LRRTM4: variants seen among roughly 807,000 people sequenced by gnomAD.
LRRTM4 encodes the protein leucine-rich repeat transmembrane neuronal protein 4.
Under a neutral mutation model 47.6 loss-of-function variants are expected in LRRTM4, and 25 were observed. The ratio of observed to expected loss-of-function variants is 0.53; its 90% CI spans 0.38 to 0.73. The LOEUF (loss-of-function observed/expected upper bound fraction) is 0.73. Among genes scored for constraint, LRRTM4 ranks in the 30% least tolerant of loss-of-function variants. The pLI, the probability that LRRTM4 is intolerant of heterozygous loss-of-function variation, is 0.00. For missense variants in LRRTM4, 638 were observed against 713.4 expected (o/e 0.89, Z 1.20); for synonymous variants, 311 against 269.5 (o/e 1.15, Z -1.51).
chr2:76,896,913 T>C (rs1573274333), intron 3 of LRRTM4, among the ~76,000 whole-genome samples: 1 of 150,738 alleles, frequency 6.6e-6, no homozygotes, highest in African/African-American at 2.4e-5. Flanking sequence ...ATCAAAATTA[T>C]GCAAGAAGTG....
At chr2:77,313,410 T>C (rs1179624105) in intron 3 of LRRTM4, among the ~76,000 whole-genome samples, 45 of 148,874 alleles carry the variant, frequency 3.0e-4, no homozygotes, top group Middle Eastern at 3.5e-3. Flanking sequence ...CCCTACGTTT[T>C]CCTGGGACCT....
chr2:76,837,975 T>C (rs940810079), intron 3 of LRRTM4, among the ~76,000 whole-genome samples: 31 of 151,834 alleles, frequency 2.0e-4, no homozygotes, highest in South Asian at 8.3e-4. Flanking sequence ...TTAGGAGATA[T>C]ACCTAATGCT....
chr2:77,344,693 C>T (rs1182837424), intron 3 of LRRTM4, among the ~76,000 whole-genome samples: 2 of 151,706 alleles, frequency 1.3e-5, no homozygotes, highest in Non-Finnish European at 3.0e-5. Context: ...ATTTAAGAAG[C>T]TCAGTGAATC....
chr2:77,380,017 T>G (rs1341546816), intron 3 of LRRTM4, among the ~76,000 whole-genome samples: 2 of 152,116 alleles, frequency 1.3e-5, no homozygotes, highest in Non-Finnish European at 2.9e-5. Flanking sequence ...GGTAATACTT[T>G]TTAAGCCAGA....
At chr2:77,103,820 A>T (rs1418212731) in intron 3 of LRRTM4, among the ~76,000 whole-genome samples, 4 of 152,016 alleles carry the variant, frequency 2.6e-5, no homozygotes, top group African/African-American at 9.7e-5. Context: ...TAAATGGCAG[A>T]CCACAAACTG....
intron 3 of LRRTM4, among the ~76,000 whole-genome samples, chr2:77,106,076 A>G (rs192649137): frequency 6.6e-6 from 1 of 151,950 alleles, no homozygotes; most frequent in Non-Finnish European, 1.5e-5. Flanking sequence ...ATTTTCTCCC[A>G]CTCTCAGCAG....
rs189244002 is a variant in LRRTM4 at position 77,245,046 on chromosome 2, T to C, written c.1551+273272A>G. ...CTGACCCACCTAAAGTATAGGATTA[T>C]GGTTTTATAAACCACTAATTTCTGG... On this transcript the variant is annotated intron_variant, in intron 3 of 3. Coordinates refer to ENST00000409884, the MANE Select transcript of LRRTM4 (RefSeq NM_001134745.3). Among the ~76,000 whole-genome samples, 444 of 152,296 alleles carry C rather than the reference T, an allele frequency of 2.9e-3. 4 individuals are homozygous for C. Among genetic ancestry groups the C allele is most frequent in the African/African-American group, 0.01 (420 of 41,574 alleles).
chr2:76,999,894 C>G (rs553816430), intron 3 of LRRTM4, among the ~76,000 whole-genome samples: 1 of 152,150 alleles, frequency 6.6e-6, no homozygotes, highest in Non-Finnish European at 1.5e-5. Flanking sequence ...TTCATTCTAC[C>G]TTAAAACTAA....
At chr2:76,957,801 C>T (rs1045194282) in intron 3 of LRRTM4, among the ~76,000 whole-genome samples, 1 of 151,776 alleles carries the variant, frequency 6.6e-6, no homozygotes, top group African/African-American at 2.4e-5. Flanking sequence ...CACACACTCA[C>T]ATGGTTTTGA....
At chr2:76,825,329 T>C (rs989731986) in intron 3 of LRRTM4, among the ~76,000 whole-genome samples, 2 of 151,636 alleles carry the variant, frequency 1.3e-5, no homozygotes, top group East Asian at 3.9e-4. Flanking sequence ...TAATGGCTGG[T>C]TGAAATATTC....
At chr2:76,906,163 C>G (rs901312437) in intron 3 of LRRTM4, among the ~76,000 whole-genome samples, 4 of 151,296 alleles carry the variant, frequency 2.6e-5, no homozygotes, top group Non-Finnish European at 4.4e-5. Flanking sequence ...AGAAACTCTA[C>G]AAGTCAGAAG....
At chr2:77,008,562 T>G (rs1677748631) in intron 3 of LRRTM4, among the ~76,000 whole-genome samples, 1 of 152,164 alleles carries the variant, frequency 6.6e-6, no homozygotes. Flanking sequence ...GCTGACAGGA[T>G]TAAATTCACT....
chr2:76,821,159 C>G lies in LRRTM4; in HGVS notation c.1552-72243G>C, dbSNP rs144096585. ...CCAGGTTAAGAAAAAAAGAGTTATTCCTTCAGCAAAATGTGGCATATAATG... is the reference window on the plus strand; with the variant it reads ...CCAGGTTAAGAAAAAAAGAGTTATTGCTTCAGCAAAATGTGGCATATAATG... On this transcript the variant is annotated intron_variant, in intron 3 of 3. Transcript: ENST00000409884. 2.5e-3 allele frequency among the ~76,000 whole-genome samples: 378 copies of G among 151,732 alleles called. 2 individuals carry two copies. Among genetic ancestry groups the G allele is most frequent in the Non-Finnish European group, 3.1e-3 (209 of 67,768 alleles).
At chr2:77,365,424 A>G (rs1049163982) in intron 3 of LRRTM4, among the ~76,000 whole-genome samples, 1 of 152,026 alleles carries the variant, frequency 6.6e-6, no homozygotes, top group African/African-American at 2.4e-5. Flanking sequence ...TTCAGTAATC[A>G]AGCAACGTGA....
At chr2:77,044,194 C>T (rs1679133062) in intron 3 of LRRTM4, among the ~76,000 whole-genome samples, 1 of 151,636 alleles carries the variant, frequency 6.6e-6, no homozygotes, top group Admixed American at 6.6e-5. Flanking sequence ...TTGCAGAGGA[C>T]CTACTGTCCT....
At chr2:77,407,502 G>GT (rs1376798378) in intron 3 of LRRTM4, among the ~76,000 whole-genome samples, 3 of 149,082 alleles carry the variant, frequency 2.0e-5, no homozygotes, top group African/African-American at 7.4e-5. Context: ...TATTTTTGGG[G>GT]TTTTTTTGTT....
intron 3 of LRRTM4, among the ~76,000 whole-genome samples, chr2:77,090,817 C>T (rs1047071315): frequency 6.6e-6 from 1 of 151,996 alleles, no homozygotes; most frequent in East Asian, 1.9e-4. Flanking sequence ...CTCTGACTGA[C>T]TCCTCCTCGG....
chr2:77,239,650 A>C (rs1269091753), intron 3 of LRRTM4, among the ~76,000 whole-genome samples: 1 of 151,944 alleles, frequency 6.6e-6, no homozygotes, highest in Non-Finnish European at 1.5e-5. Context: ...CTAATACTAT[A>C]GGAATATCAT....
chr2:77,176,506 G>C (rs142561752), intron 3 of LRRTM4, among the ~76,000 whole-genome samples: 215 of 152,262 alleles, frequency 1.4e-3, no homozygotes, highest in Non-Finnish European at 2.5e-3. Flanking sequence ...AAATCTGCTA[G>C]ATGCAGTTTC....
Sources: allele counts gnomAD v4.1 joint callset (sites outside exome capture counted in the v4.1 genomes callset), GRCh38; gene constraint gnomAD v4.1.1; transcripts MANE v1.5; gene names NCBI Gene and HGNC (gene_info 2026-07-23, HGNC 2026-07-21).